The following ST3GAL3 variants were observed in gnomAD, a reference collection of about 807,000 sequenced individuals.
ST3GAL3 encodes CMP-N-acetylneuraminate-beta-1,4-galactoside alpha-2,3-sialyltransferase.
ST3GAL3 carries 21 observed loss-of-function variants against 50.1 expected under a neutral mutation model. The ratio of observed to expected loss-of-function variants is 0.42; its 90% confidence interval spans 0.30 to 0.60. The LOEUF is 0.60. ST3GAL3 is among the 20% of genes least tolerant of loss of function. The pLI, the probability that ST3GAL3 is intolerant of heterozygous loss-of-function variation, is 0.19. For missense variants in ST3GAL3, 353 were observed against 489.4 expected (o/e 0.72, Z 2.63); for synonymous variants, 183 against 190.0 (o/e 0.96, Z 0.30).
At chr1:43,876,277 CACTTT>C (rs2154251992) in intron 5 of ST3GAL3, among the ~76,000 whole-genome samples, 1 of 152,158 alleles carries the variant, frequency 6.6e-6, no homozygotes, top group Non-Finnish European at 1.5e-5. Flanking sequence ...AATTTCTCTT[CACTTT>C]ATTTTTGACT....
intron 1 of ST3GAL3, among the ~76,000 whole-genome samples, chr1:43,727,920 C>G (rs967821020): frequency 1.3e-5 from 2 of 152,148 alleles, no homozygotes; most frequent in African/African-American, 4.8e-5. Flanking sequence ...AGGTTTGTTA[C>G]ATGGGTATTG....
chr1:43,843,885 T>A lies in ST3GAL3; in HGVS notation c.302+5574T>A, dbSNP rs988913103. 5.9e-4 allele frequency among the ~76,000 whole-genome samples: 90 copies of A among 152,334 alleles called. 1 individual carries two copies. Among genetic ancestry groups the A allele is most frequent in the African/African-American group, 2.1e-3 (89 of 41,586 alleles). Reference sequence around the variant, plus strand: ...GGAGATGGCGTCAGATCCCACAGGTTGACGGCCGAACAAGACTATACCTCA... The same window carrying A: ...GGAGATGGCGTCAGATCCCACAGGTAGACGGCCGAACAAGACTATACCTCA... On this transcript the variant is annotated intron_variant, in intron 5 of 11. Transcript: ENST00000347631.
intron 5 of ST3GAL3, among the ~76,000 whole-genome samples, chr1:43,867,931 C>A (rs1265466957): frequency 6.6e-6 from 1 of 152,046 alleles, no homozygotes; most frequent in Admixed American, 6.6e-5. Flanking sequence ...GAATTTCTCT[C>A]CAAAATTATG....
At chr1:43,894,856 A>G (rs2077170255) in intron 6 of ST3GAL3, among the ~76,000 whole-genome samples, 1 of 151,944 alleles carries the variant, frequency 6.6e-6, no homozygotes, top group Admixed American at 6.6e-5. Flanking sequence ...GTTGATCTCA[A>G]ACTCCTGGAC....
intron 2 of ST3GAL3, among the ~76,000 whole-genome samples, chr1:43,748,564 G>T (rs1373423243): frequency 2.6e-5 from 4 of 151,638 alleles, no homozygotes; most frequent in Non-Finnish European, 5.9e-5. Flanking sequence ...AAGTATCTGG[G>T]ATTACAGGCA....
At chr1:43,741,412 T>C (rs1053981754) in intron 2 of ST3GAL3, among the ~76,000 whole-genome samples, 2 of 152,192 alleles carry the variant, frequency 1.3e-5, no homozygotes, top group African/African-American at 4.8e-5. Context: ...CTTCCTCATA[T>C]TTATAAAAGA....
At chr1:43,868,510 G>A (rs1321657269) in intron 5 of ST3GAL3, among the ~76,000 whole-genome samples, 1 of 152,062 alleles carries the variant, frequency 6.6e-6, no homozygotes, top group East Asian at 1.9e-4. Flanking sequence ...AGTCATTCCT[G>A]GGAGAACCCT....
chr1:43,781,186 C>G lies in ST3GAL3; in HGVS notation c.119-10916C>G, dbSNP rs541611652. ...CTGGGTGCTTCTGCTTTACAATGAA[C>G]ATGCAGTCGTTTCTGTCACTTGGGG... On this transcript the variant is annotated intron_variant, in intron 2 of 11. Transcript: ENST00000347631. Among the ~76,000 whole-genome samples, 5 of 152,286 alleles carry G rather than the reference C, an allele frequency of 3.3e-5. No homozygotes were observed. The South Asian group carries it at 1.0e-3, about 32-fold the overall frequency.
intron 11 of ST3GAL3, among the ~76,000 whole-genome samples, chr1:43,926,838 C>T (rs2084052346): frequency 6.6e-6 from 1 of 152,100 alleles, no homozygotes; most frequent in South Asian, 2.1e-4. Flanking sequence ...GGCTGACTTT[C>T]TTGTTTACTT....
At chr1:43,746,041 A>G (rs1683489489) in intron 2 of ST3GAL3, among the ~76,000 whole-genome samples, 1 of 152,260 alleles carries the variant, frequency 6.6e-6, no homozygotes, top group African/African-American at 2.4e-5. Context: ...AAATTGCCTA[A>G]CAGCGCAGTT....
At chr1:43,880,116 T>G (rs1438498527) in intron 5 of ST3GAL3, among the ~76,000 whole-genome samples, 1 of 152,196 alleles carries the variant, frequency 6.6e-6, no homozygotes, top group Non-Finnish European at 1.5e-5. Flanking sequence ...TCCTGTCTCT[T>G]GCAGCCCACA....
At chr1:43,843,385 G>T (rs1363670989) in intron 5 of ST3GAL3, among the ~76,000 whole-genome samples, 1 of 151,868 alleles carries the variant, frequency 6.6e-6, no homozygotes, top group African/African-American at 2.4e-5. Context: ...ACATTGATTG[G>T]TTTTTTCTCA....
At chr1:43,754,173 T>A (rs1196800932) in intron 2 of ST3GAL3, among the ~76,000 whole-genome samples, 1 of 152,066 alleles carries the variant, frequency 6.6e-6, no homozygotes, top group African/African-American at 2.4e-5. Context: ...GAGACAAAAC[T>A]CATGTATAAT....
At chr1:43,926,017 C>T (rs1264460387) in intron 11 of ST3GAL3, among the ~76,000 whole-genome samples, 1 of 152,146 alleles carries the variant, frequency 6.6e-6, no homozygotes, top group Non-Finnish European at 1.5e-5. Context: ...TTAGAGACCA[C>T]AGATGTTGCT....
chr1:43,757,765 T>TA (rs59323270), intron 2 of ST3GAL3, among the ~76,000 whole-genome samples: 67 of 151,078 alleles, frequency 4.4e-4, no homozygotes, highest in African/African-American at 8.5e-4. Flanking sequence ...CAGAAAAGCA[T>TA]AAAAAAAAAC....
Position 43,817,573 on chromosome 1 carries a change from T to TC in ST3GAL3, c.209+2641dup, listed in dbSNP as rs1491230529. Reference sequence around the variant, plus strand: ...TCTTCTTCTCCTTCTTCCTTCTTCTTCTCCTTCTCCTCCTTCTCCTCCTCC... The same window carrying TC: ...TCTTCTTCTCCTTCTTCCTTCTTCTTCCTCCTTCTCCTCCTTCTCCTCCTCC... On this transcript the variant is annotated intron_variant, in intron 4 of 11. Coordinates refer to ENST00000347631, the MANE Select transcript of ST3GAL3 (RefSeq NM_006279.5). Among the ~76,000 whole-genome samples, 121 of 86,464 alleles carry TC rather than the reference T, an allele frequency of 1.4e-3. 1 individual carries two copies. Among genetic ancestry groups the TC allele is most frequent in the East Asian group, 3.4e-3 (7 of 2,080 alleles). 56.7% of individuals were successfully genotyped at this position (86,464 alleles called of 152,430 possible).
intron 2 of ST3GAL3, among the ~76,000 whole-genome samples, chr1:43,744,999 GAAAA>G (rs1351509047): frequency 6.7e-5 from 5 of 74,242 alleles, no homozygotes; most frequent in African/African-American, 1.2e-4. Flanking sequence ...TGAAAAAAAA[GAAAA>G]AAGAAAGAAA....
intron 5 of ST3GAL3, among the ~76,000 whole-genome samples, chr1:43,889,425 A>G (rs1488367475): frequency 2.6e-5 from 4 of 152,238 alleles, no homozygotes; most frequent in Non-Finnish European, 1.5e-5. Context: ...AAAATGAGGG[A>G]AAAGCTCTCC....
intron 1 of ST3GAL3, among the ~76,000 whole-genome samples, chr1:43,728,705 C>G (rs1199540995): frequency 1.3e-5 from 2 of 152,162 alleles, no homozygotes; most frequent in Non-Finnish European, 1.5e-5. Context: ...GAGGTATGAT[C>G]ACGCCACTGC....
Sources: allele counts gnomAD v4.1 joint callset (sites outside exome capture counted in the v4.1 genomes callset), GRCh38; gene constraint gnomAD v4.1.1; transcripts MANE v1.5; gene names NCBI Gene and HGNC (gene_info 2026-07-23, HGNC 2026-07-21).